GALNT13: variants seen among roughly 807,000 people sequenced by gnomAD.
GALNT13 encodes UDP-GalNAc:polypeptide N-acetylgalactosaminyltransferase 13.
GALNT13 carries 28 observed loss-of-function variants against 64.2 expected under a neutral mutation model. That is an observed-to-expected ratio of 0.44 (90% CI 0.32 to 0.60). GALNT13 has a LOEUF of 0.60. Among genes scored for constraint, GALNT13 ranks in the 20% least tolerant of loss-of-function variants. The pLI, the probability that GALNT13 is intolerant of heterozygous loss-of-function variation, is 0.05. For synonymous variants in GALNT13, 214 were observed against 224.6 expected, an observed-to-expected ratio of 0.95 and a Z score of 0.42; for missense variants, 577 against 669.8, an observed-to-expected ratio of 0.86 and a Z score of 1.53.
chr2:153,569,462 T>C, the GALNT13 span, among the ~76,000 whole-genome samples: 2 of 152,002 alleles, frequency 1.3e-5, no homozygotes, highest in Admixed American at 6.5e-5. Flanking sequence ...AAGTCCTCAG[T>C]TGAATATGTG....
At chr2:154,345,786 C>G (rs1696036735) in intron 9 of GALNT13, among the ~76,000 whole-genome samples, 1 of 151,982 alleles carries the variant, frequency 6.6e-6, no homozygotes, top group Non-Finnish European at 1.5e-5. Flanking sequence ...ATGCTCATTT[C>G]TATTGTAAAG....
the GALNT13 span, among the ~76,000 whole-genome samples, chr2:153,750,270 A>G: frequency 0.073 from 11,027 of 151,688 alleles, 822 homozygotes; most frequent in African/African-American, 0.19. Context: ...CACCAGAGAT[A>G]TTGGCCCATA....
the GALNT13 span, among the ~76,000 whole-genome samples, chr2:153,390,699 CTT>C: frequency 1.3e-5 from 2 of 152,024 alleles, no homozygotes; most frequent in Admixed American, 6.6e-5. Context: ...CTCCCTGAAT[CTT>C]TGCCCATTCA....
At chr2:153,316,863 C>G in the GALNT13 span, among the ~76,000 whole-genome samples, 1 of 152,076 alleles carries the variant, frequency 6.6e-6, no homozygotes, top group East Asian at 1.9e-4. Context: ...TGTAGGGATT[C>G]AAGACAACTT....
At chr2:153,624,665 T>C in the GALNT13 span, among the ~76,000 whole-genome samples, 1 of 152,076 alleles carries the variant, frequency 6.6e-6, no homozygotes, top group Non-Finnish European at 1.5e-5. Context: ...TTTACTGAGC[T>C]ATGCGGGTTA....
chr2:154,265,517 G>GA (rs1446350847), intron 8 of GALNT13, among the ~76,000 whole-genome samples: 2 of 152,042 alleles, frequency 1.3e-5, no homozygotes, highest in African/African-American at 4.8e-5. Flanking sequence ...TAGCCAACAT[G>GA]ATGAAACCCT....
chr2:154,431,738 T>C (rs1372305881), intron 11 of GALNT13, among the ~76,000 whole-genome samples: 2 of 152,184 alleles, frequency 1.3e-5, no homozygotes, highest in African/African-American at 4.8e-5. Flanking sequence ...TGGGAGATAA[T>C]TGAATCATGG....
chr2:153,180,843 A>G, the GALNT13 span, among the ~76,000 whole-genome samples: 8 of 151,776 alleles, frequency 5.3e-5, no homozygotes, highest in Non-Finnish European at 1.2e-4. Flanking sequence ...TGCTCATAAT[A>G]GTCGCTTATG....
At chr2:153,145,683 G>T in the GALNT13 span, among the ~76,000 whole-genome samples, 5 of 151,856 alleles carry the variant, frequency 3.3e-5, no homozygotes, top group African/African-American at 1.2e-4. Context: ...TCCCAGTGCA[G>T]TTACTCTAAA....
intron 3 of GALNT13, among the ~76,000 whole-genome samples, chr2:154,007,547 A>G (rs1026064122): frequency 6.6e-6 from 1 of 152,022 alleles, no homozygotes; most frequent in African/African-American, 2.4e-5. Flanking sequence ...TTGATTCCAT[A>G]TGAGGAATAT....
chr2:153,824,189 A>T, the GALNT13 span, among the ~76,000 whole-genome samples: 3 of 152,256 alleles, frequency 2.0e-5, no homozygotes. Flanking sequence ...TATACACTGT[A>T]TACAGCTGTA....
the GALNT13 span, among the ~76,000 whole-genome samples, chr2:153,181,845 T>G: frequency 1.4e-5 from 2 of 146,290 alleles, no homozygotes; most frequent in African/African-American, 5.0e-5. Flanking sequence ...ATTTATATAA[T>G]TATATAAGTA....
the GALNT13 span, among the ~76,000 whole-genome samples, chr2:153,571,984 G>A: frequency 6.6e-6 from 1 of 151,592 alleles, no homozygotes; most frequent in Non-Finnish European, 1.5e-5. Context: ...GAAATATTCT[G>A]TCCTTCTCTA....
intron 1 of GALNT13, among the ~76,000 whole-genome samples, chr2:153,894,244 C>A (rs902545484): frequency 2.0e-5 from 3 of 152,060 alleles, no homozygotes; most frequent in Non-Finnish European, 4.4e-5. Context: ...CGAGACCCCA[C>A]TTGAGAACCC....
the GALNT13 span, among the ~76,000 whole-genome samples, chr2:153,082,602 TATATATATATATATATACACACACAC>T: frequency 4.4e-5 from 2 of 45,534 alleles, no homozygotes; most frequent in South Asian, 7.1e-4. Context: ...TATATATATA[TATATATATATATATATACACACACAC>T]ACACACACAC....
the GALNT13 span, among the ~76,000 whole-genome samples, chr2:153,108,160 G>A: frequency 1.3e-5 from 2 of 152,190 alleles, no homozygotes; most frequent in South Asian, 2.1e-4. Context: ...TTATAGGCAT[G>A]AGCCACCGTG....
the GALNT13 span, among the ~76,000 whole-genome samples, chr2:153,346,975 C>T: frequency 6.0e-4 from 92 of 152,288 alleles, no homozygotes; most frequent in African/African-American, 1.8e-3. Context: ...AGATAAAAAC[C>T]GTGGACCCCC....
intron 3 of GALNT13, among the ~76,000 whole-genome samples, chr2:153,985,675 GCTTCTTA>G (rs1694753378): frequency 6.6e-6 from 1 of 151,952 alleles, no homozygotes; most frequent in African/African-American, 2.4e-5. Context: ...TAATGGGCTT[GCTTCTTA>G]CCTGTCTTGG....
chr2:153,303,170 G>T, the GALNT13 span, among the ~76,000 whole-genome samples: 1 of 152,226 alleles, frequency 6.6e-6, no homozygotes, highest in South Asian at 2.1e-4. Flanking sequence ...GGAAATTCAT[G>T]AACACAGGAT....
Sources: gnomAD v4.1 joint callset for allele counts (sites outside exome capture counted in the v4.1 genomes callset) on GRCh38, gnomAD v4.1.1 for gene constraint, MANE v1.5 for transcripts, NCBI Gene and HGNC (gene_info 2026-07-23, HGNC 2026-07-21) for gene names.